The following RRP9 variants were observed in gnomAD, a reference collection of about 807,000 sequenced individuals.
RRP9 encodes ribosomal RNA processing 9, U3 small nucleolar RNA binding protein.
Under a neutral mutation model 65.5 loss-of-function variants are expected in RRP9, and 35 were observed. The ratio of observed to expected loss-of-function variants is 0.53; its 90% CI spans 0.41 to 0.71. The LOEUF (loss-of-function observed/expected upper bound fraction) is 0.71. Ranked by LOEUF, RRP9 falls within the 30% of genes least tolerant of loss-of-function variation. The probability of loss-of-function intolerance (pLI) is 0.00; values close to 1 mark genes in which losing one functional copy is unlikely to be tolerated. For missense variants in RRP9, 533 were observed against 633.6 expected, an observed-to-expected ratio of 0.84 and a Z score of 1.70; for synonymous variants, 254 against 245.0, an observed-to-expected ratio of 1.04 and a Z score of -0.34.
Position 51,937,982 on chromosome 3 carries a change from C to T in RRP9, c.280+113G>A, listed in dbSNP as rs139357193. 2 of 1,040,720 alleles carry T rather than the reference C, an allele frequency of 1.9e-6. No individual in the cohort carries two copies. Among genetic ancestry groups the T allele is most frequent in the African/African-American group, 1.6e-5 (1 of 62,806 alleles). The allele number at this position is 1,040,720 out of a possible 1,614,324, so 64.5% of individuals were successfully genotyped here. The stretch of plus-strand genomic sequence containing the variant: ...GGGCAGCCAGCACTGACAGCCTGGG[C>T]ACCCACTGGGAATCCATGTCAGTCA... On this transcript the variant is annotated intron_variant, in intron 3 of 14. Coordinates refer to ENST00000232888, the MANE Select transcript of RRP9 (RefSeq NM_004704.5). The surrounding 1 kb of genome is among the most constrained non-coding windows in gnomAD (Gnocchi z 5.0).
intron 8 of RRP9, 95 bp downstream of exon 8, chr3:51,936,162 G>C (rs1282536180): frequency 3.4e-6 from 4 of 1,188,446 alleles, no homozygotes; most frequent in Non-Finnish European, 5.0e-6. Context: ...CAGGATGCAG[G>C]TTCCCTGAGG....
chr3:51,941,837 C>T lies in RRP9; in HGVS notation c.31G>A (p.Gly11Arg), dbSNP rs1170172847. Residue 11 changes from glycine to arginine, a missense_variant, in exon 1 of 15, where the codon GGA becomes AGA. Around this residue, in one of 3 missense-constraint regions of RRP9, gnomAD observed 77 missense variants for 60.5 expected, o/e 1.27. Coordinates refer to ENST00000232888, the MANE Select transcript of RRP9 (RefSeq NM_004704.5). ...GCCCCGGCCCCAGAGGCCGGCTTTCCCCGCTTACGAGCAGCCGCTGTTGCC... is the reference window on the plus strand; with the variant it reads ...GCCCCGGCCCCAGAGGCCGGCTTTCTCCGCTTACGAGCAGCCGCTGTTGCC... MSATAAARKR[G>R]KPASGAGAGA... 7 of 1,583,336 alleles carry T rather than the reference C, an allele frequency of 4.4e-6. No homozygotes were observed. The highest frequency in any genetic ancestry group is 6.0e-6 in the Non-Finnish European group (7 of 1,172,906).
intron 9 of RRP9, 31 bp downstream of exon 9, chr3:51,935,561 C>A: frequency 6.2e-7 from 1 of 1,613,380 alleles, no homozygotes; most frequent in African/African-American, 1.3e-5. Flanking sequence ...TCTCTCACAC[C>A]ATCCACACAC....
At chr3:51,941,602 G>A in intron 1 of RRP9, 111 bp from the exon 2 acceptor site, 1 of 1,197,786 alleles carries the variant, frequency 8.3e-7, no homozygotes, top group South Asian at 1.2e-5. Context: ...GAAGGCGGTG[G>A]TTCCCGGGTT....
Position 51,933,583 on chromosome 3 carries a change from T to C in RRP9, c.1351A>G (p.Arg451Gly). 3.7e-6 allele frequency: 6 copies of C among 1,613,954 alleles called. No individual in the cohort carries two copies. In the South Asian group the frequency reaches 6.6e-5, roughly 18 times the overall value. The change falls in exon 15 of 15, where the codon AGA becomes GGA. Residue 451 changes from arginine (R) to glycine (G), a missense_variant. By Grantham distance (125) the Arg-to-Gly change is moderately radical. Transcript: ENST00000232888. ...ACAGAATTCCGAGCCTCTTTGATTC[T>C]CCACCATCGGCCAAGCCTGCAGGGA... Reference protein sequence around the residue: ...GQEHRLGRWWRIKEARNSVCI... With the variant: ...GQEHRLGRWWGIKEARNSVCI...
chr3:51,938,491 A>T (rs1405038081), intron 2 of RRP9, among the ~76,000 whole-genome samples: 1 of 152,202 alleles, frequency 6.6e-6, no homozygotes, highest in African/African-American at 2.4e-5. Flanking sequence ...GGCTTCCAAA[A>T]GAAATCAGGT....
At position 51,933,429 on chromosome 3, in the gene RRP9, G is replaced by A; in HGVS notation, c.*77C>T. ...CCACCAAGAAGCTACAAGAAACAAG[G>A]CCCAAAAGAGGAGGCTTTTAATACA... On this transcript the variant is annotated 3_prime_UTR_variant, in exon 15 of 15. Transcript: ENST00000232888. The A allele has an allele frequency of 7.9e-7, 1 of 1,259,266 alleles. No homozygotes were observed. Among genetic ancestry groups the A allele is most frequent in the Non-Finnish European group, 1.1e-6 (1 of 880,390 alleles). 78.0% of individuals were successfully genotyped at this position (1,259,266 alleles called of 1,614,324 possible).
intron 1 of RRP9, 40 bp from the exon 2 acceptor site, chr3:51,941,531 A>G (rs1699530907): frequency 1.3e-6 from 2 of 1,574,772 alleles, no homozygotes; most frequent in Non-Finnish European, 1.7e-6. Context: ...AGGGGTCCAG[A>G]CCACCCTGGC....
At position 51,934,424 on chromosome 3, in the gene RRP9, T is replaced by C; in HGVS notation, c.1260+48A>G. On this transcript the variant is annotated intron_variant, in intron 13 of 14. Transcript: ENST00000232888. The surrounding 1 kb of genome is among the most constrained non-coding windows in gnomAD (Gnocchi z 4.1). Reference sequence around the variant, plus strand: ...CCTTAAAGAGCTAACTCCAGGGGCCTAGGCAGTGTGGCAGAGACAGGCTGA... The same window carrying C: ...CCTTAAAGAGCTAACTCCAGGGGCCCAGGCAGTGTGGCAGAGACAGGCTGA... 1 of 1,570,192 alleles carries C rather than the reference T, an allele frequency of 6.4e-7. No individual in the cohort carries two copies.
At chr3:51,939,864 C>G (rs182888699) in intron 2 of RRP9, among the ~76,000 whole-genome samples, 13 of 152,308 alleles carry the variant, frequency 8.5e-5, no homozygotes, top group African/African-American at 3.1e-4. Flanking sequence ...TTTTCTGTAT[C>G]TAACACACTT....
rs372990572 is a variant in RRP9 at position 51,935,205 on chromosome 3, C to T, written c.1026G>A (p.Ala342=). The T allele has an allele frequency of 5.4e-5, 87 of 1,613,996 alleles. No individual in the cohort carries two copies. The highest frequency in any genetic ancestry group is 2.8e-4 in the Admixed American group (17 of 60,004). ...TCCAAAGGACCTCTTACCCATCGTC[C>T]GCGCCGGACACCATGTGCTCCTCAT... is the stretch of plus-strand genomic sequence containing the variant. ...LINEEHMVSG[A]DDGSVALWGL... The change falls in exon 11 of 15, where the codon GCG becomes GCA. Residue 342 remains alanine (A), a synonymous_variant. Transcript: ENST00000232888.
At position 51,933,476 on chromosome 3, in the gene RRP9, G is replaced by T; in HGVS notation, c.*30C>A. ...TACAAAGAGGGTGGGGCATAGCCTG[G>T]GAAGGACTTAAATAAGGAGGATAAG... On this transcript the variant is annotated 3_prime_UTR_variant, in exon 15 of 15. Coordinates refer to ENST00000232888, the MANE Select transcript of RRP9 (RefSeq NM_004704.5). The T allele has an allele frequency of 6.3e-7, 1 of 1,576,356 alleles. No homozygotes were observed. Among genetic ancestry groups the T allele is most frequent in the Non-Finnish European group, 8.7e-7 (1 of 1,146,330 alleles).
rs1214337882 is a variant in RRP9 at position 51,941,786 on chromosome 3, G to A, written c.82C>T (p.Arg28Ter). 21 of 1,560,164 alleles carry A rather than the reference G, an allele frequency of 1.3e-5. No homozygotes were observed. Among genetic ancestry groups the A allele is most frequent in the Non-Finnish European group, 1.8e-5 (21 of 1,160,800 alleles). The part of the protein sequence containing the change: ...GAGAGAGKRR[R>*]KADSAGDRGK... ...CTCAGAAGCGCCATGCTCACCTTTCGCCGCCGCTTGCCGGCCCCCGCGCCA... is the reference window on the plus strand; with the variant it reads ...CTCAGAAGCGCCATGCTCACCTTTCACCGCCGCTTGCCGGCCCCCGCGCCA... Residue 28 changes from arginine (R) to a stop codon, truncating the protein, a stop_gained, in exon 1 of 15, where the codon CGA becomes TGA. Transcript: ENST00000232888. LOFTEE classifies it high-confidence loss of function.
Position 51,934,098 on chromosome 3 carries a change from G to A in RRP9, c.1261-317C>T, listed in dbSNP as rs1413365110. On this transcript the variant is annotated intron_variant, in intron 13 of 14. Coordinates refer to ENST00000232888, the MANE Select transcript of RRP9 (RefSeq NM_004704.5). This position sits in a 1 kb window ranked among gnomAD's most constrained non-coding sequence, Gnocchi z 4.1. ...GACTGTCCCCACTGACCTAGACCCTGCATTCTCAGCACACATCACTGACAG... is the reference window on the plus strand; with the variant it reads ...GACTGTCCCCACTGACCTAGACCCTACATTCTCAGCACACATCACTGACAG... Among the ~76,000 whole-genome samples, 2 of 152,140 alleles carry A rather than the reference G, an allele frequency of 1.3e-5. No homozygotes were observed. Among genetic ancestry groups the A allele is most frequent in the African/African-American group, 2.4e-5 (1 of 41,412 alleles).
Position 51,938,138 on chromosome 3 carries a change from C to T in RRP9, c.237G>A (p.Lys79=), listed in dbSNP as rs897681499. 4 of 1,608,038 alleles carry T rather than the reference C, an allele frequency of 2.5e-6. No individual in the cohort carries two copies. In the African/African-American group the frequency reaches 4.0e-5, roughly 16 times the overall value. The part of the protein sequence containing the change: ...EELEETAQEK[K]LRLAKLYLEQ... ...CTAGGTAGAGCTTGGCCAAGCGCAG[C>T]TTCTTTTCCTGTGCAGTTTCCTCCA... is the stretch of plus-strand genomic sequence containing the variant. The change falls in exon 3 of 15, where the codon AAG becomes AAA. Residue 79 remains lysine, a synonymous_variant. Transcript: ENST00000232888.
intron 2 of RRP9, 31 bp downstream of exon 2, chr3:51,941,378 C>T: frequency 1.3e-6 from 2 of 1,588,660 alleles, no homozygotes; most frequent in Non-Finnish European, 1.7e-6. Context: ...ACTCAGTTTT[C>T]CCTCCCACTA....
At position 51,933,801 on chromosome 3, in the gene RRP9, G is replaced by T. The variant is rs547113565; in HGVS notation, c.1261-20C>A. On this transcript the variant is annotated intron_variant, in intron 13 of 14. Coordinates refer to ENST00000232888, the MANE Select transcript of RRP9 (RefSeq NM_004704.5). ...ACCCACCTGAGCAGAAAGACAACAC[G>T]GAAAGACATTAGAACGCCCCCCGCC... The T allele has an allele frequency of 6.2e-7, 1 of 1,612,748 alleles. No homozygotes were observed. Among genetic ancestry groups the T allele is most frequent in the African/African-American group, 1.3e-5 (1 of 74,882 alleles).
In RRP9 at chr3:51,935,482, G is replaced by T; in HGVS notation, c.837-6C>A. On this transcript the variant is annotated splice_polypyrimidine_tract_variant and splice_region_variant and intron_variant, in intron 9 of 14. Transcript: ENST00000232888. ...CAGCGTCCTGGTGTCCGAAGCTAGA[G>T]GGCCGGGCAGAGCAGGATAGTGGGG... 6.2e-7 allele frequency: 1 copy of T among 1,614,158 alleles called. No homozygotes were observed. The highest frequency in any genetic ancestry group is 1.7e-5 in the Admixed American group (1 of 60,032).
chr3:51,938,044 G>A, intron 3 of RRP9, 51 bp downstream of exon 3: 1 of 1,444,528 alleles, frequency 6.9e-7, no homozygotes, highest in South Asian at 1.3e-5. Flanking sequence ...GCGGGCAGCA[G>A]ACCAGCACAG....
Sources: gnomAD v4.1 joint callset for allele counts (sites outside exome capture counted in the v4.1 genomes callset) on GRCh38, gnomAD v4.1.1 for gene constraint, gnomAD v4.1.1 regional missense constraint, Gnocchi (gnomAD v3.1) non-coding constraint, MANE v1.5 for transcripts, NCBI Gene and HGNC (gene_info 2026-07-23, HGNC 2026-07-21) for gene names.